Variants in OPRD1 observed in about 807,000 individuals in gnomAD.
The protein encoded by OPRD1 is opioid receptor delta 1.
Under a neutral mutation model 17.5 loss-of-function variants are expected in OPRD1, and 19 were observed. That is an observed-to-expected ratio of 1.09 (90% CI 0.76 to 1.60). The LOEUF is 1.60. Among genes scored for constraint, OPRD1 ranks in the 40% most tolerant of loss-of-function variants. OPRD1 has a pLI of 0.00. For missense variants in OPRD1, 483 were observed against 547.2 expected (o/e 0.88, Z 1.17); for synonymous variants, 256 against 240.9 (o/e 1.06, Z -0.58).
chr1:28,812,534 G>A lies in OPRD1; in HGVS notation c.151G>A (p.Ala51Thr). ...RSASSLALAIAITALYSAVCA... is the reference protein window; with the variant it reads ...RSASSLALAITITALYSAVCA... ...CGCCTCGTCCCTCGCCCTGGCAATC[G>A]CCATCACCGCGCTCTACTCGGCCGT... Residue 51 changes from alanine (A) to threonine (T), a missense_variant, in exon 1 of 3, where the codon GCC becomes ACC. By Grantham distance (58) the Ala-to-Thr change is moderately conservative. Transcript: ENST00000234961. 6.3e-7 allele frequency: 1 copy of A among 1,582,790 alleles called. No individual in the cohort carries two copies.
At chr1:28,843,806 C>A in intron 1 of OPRD1, among the ~76,000 whole-genome samples, 1 of 152,006 alleles carries the variant, frequency 6.6e-6, no homozygotes, top group South Asian at 2.1e-4. Flanking sequence ...TTTTGTAAAA[C>A]TGGCTTTGCC....
chr1:28,860,807 G>C (rs2089107862), intron 2 of OPRD1, among the ~76,000 whole-genome samples: 1 of 152,186 alleles, frequency 6.6e-6, no homozygotes, highest in South Asian at 2.1e-4. Flanking sequence ...GGTTGATGCT[G>C]TGGGTGGGAG....
chr1:28,818,375 G>A (rs1160447318), intron 1 of OPRD1, among the ~76,000 whole-genome samples: 2 of 152,128 alleles, frequency 1.3e-5, no homozygotes, highest in African/African-American at 4.8e-5. Context: ...CCACCCCCTG[G>A]TTAGTTGCAA....
Position 28,863,352 on chromosome 1 carries a change from C to T in OPRD1, c.*69C>T. ...AGGCCACATGAGTCCCAGTGGGAGG[C>T]GCGAGCCATGATGTGGAGTGGGGCA... On this transcript the variant is annotated 3_prime_UTR_variant, in exon 3 of 3. Coordinates refer to ENST00000234961, the MANE Select transcript of OPRD1 (RefSeq NM_000911.4). 3 of 1,380,976 alleles carry T rather than the reference C, an allele frequency of 2.2e-6. No homozygotes were observed. The highest frequency in any genetic ancestry group is 2.8e-6 in the Non-Finnish European group (3 of 1,071,554). The allele number at this position is 1,380,976 out of a possible 1,614,324, so 85.5% of individuals were successfully genotyped here.
chr1:28,818,262 A>T (rs577013797), intron 1 of OPRD1, among the ~76,000 whole-genome samples: 4 of 152,162 alleles, frequency 2.6e-5, no homozygotes, highest in Admixed American at 2.6e-4. Context: ...GCATTTGCTG[A>T]TGCTGACCCA....
intron 1 of OPRD1, among the ~76,000 whole-genome samples, chr1:28,835,451 A>G (rs1235838740): frequency 2.0e-5 from 3 of 152,080 alleles, no homozygotes; most frequent in Non-Finnish European, 4.4e-5. Context: ...ATAATTAACC[A>G]CTTTCCTTCC....
At chr1:28,825,104 G>A (rs2088753133) in intron 1 of OPRD1, among the ~76,000 whole-genome samples, 1 of 150,972 alleles carries the variant, frequency 6.6e-6, no homozygotes, top group Non-Finnish European at 1.5e-5. Context: ...AAAGTGCTGG[G>A]AGTACAGGTG....
chr1:28,830,421 G>A (rs983520137), intron 1 of OPRD1, among the ~76,000 whole-genome samples: 2 of 152,074 alleles, frequency 1.3e-5, no homozygotes, highest in African/African-American at 4.8e-5. Context: ...CTACTTGGGA[G>A]GCTGAGGTGG....
intron 2 of OPRD1, 85 bp from the exon 3 acceptor site, chr1:28,862,657 C>T (rs1474208178): frequency 6.0e-6 from 8 of 1,342,664 alleles, no homozygotes; most frequent in African/African-American, 5.9e-5. Flanking sequence ...TTGCCCAAGC[C>T]TTGAAAGGGT....
chr1:28,863,494 A>C lies in OPRD1; in HGVS notation c.*211A>C. ...TTGGGGCGAGGCAGAGGACAGATCAATGGCGCAGTGCCTCTGGTCTGGGTG... is the reference window on the plus strand; with the variant it reads ...TTGGGGCGAGGCAGAGGACAGATCACTGGCGCAGTGCCTCTGGTCTGGGTG... On this transcript the variant is annotated 3_prime_UTR_variant, in exon 3 of 3. Transcript: ENST00000234961. 1.9e-6 allele frequency: 1 copy of C among 520,920 alleles called. No homozygotes were observed. The allele number at this position is 520,920 out of a possible 1,614,324, so 32.3% of individuals were successfully genotyped here. A position where few individuals can be genotyped will look rare whatever the true frequency, so the allele number is the denominator to read the frequency against.
At chr1:28,854,642 T>C (rs1293441686) in intron 1 of OPRD1, among the ~76,000 whole-genome samples, 1 of 151,372 alleles carries the variant, frequency 6.6e-6, no homozygotes, top group Admixed American at 6.6e-5. Flanking sequence ...ATCACAGATG[T>C]CTCTTGTGAG....
At chr1:28,833,696 C>T (rs1200412678) in intron 1 of OPRD1, among the ~76,000 whole-genome samples, 1 of 152,150 alleles carries the variant, frequency 6.6e-6, no homozygotes, top group African/African-American at 2.4e-5. Context: ...CTAACCATCA[C>T]GGGGCCAGAC....
chr1:28,825,319 A>G (rs116155749), intron 1 of OPRD1, among the ~76,000 whole-genome samples: 4,448 of 152,230 alleles, frequency 0.029, 94 homozygotes, highest in Non-Finnish European at 0.042. Flanking sequence ...TCTTTGCACA[A>G]TTGGGATTTT....
At chr1:28,822,969 G>T (rs914188406) in intron 1 of OPRD1, among the ~76,000 whole-genome samples, 1 of 152,082 alleles carries the variant, frequency 6.6e-6, no homozygotes, top group Non-Finnish European at 1.5e-5. Flanking sequence ...CAGGAAGAGG[G>T]ATAATCGTGG....
chr1:28,831,560 G>C (rs1331530664), intron 1 of OPRD1, among the ~76,000 whole-genome samples: 1 of 151,638 alleles, frequency 6.6e-6, no homozygotes, highest in African/African-American at 2.4e-5. Flanking sequence ...TGACTCGGTC[G>C]GAGTTAACAC....
rs778736383 is a variant in OPRD1, at chr1:28,812,500, C to T, written c.117C>T (p.Gly39=). 3.2e-6 allele frequency: 5 copies of T among 1,562,616 alleles called. No individual in the cohort carries two copies. The Admixed American group carries it at 5.4e-5, about 17-fold the overall frequency. The change falls in exon 1 of 3, where the codon GGC becomes GGT. Residue 39 remains glycine (G), a synonymous_variant. Coordinates refer to ENST00000234961, the MANE Select transcript of OPRD1 (RefSeq NM_000911.4). ...SAGANASGPP[G]ARSASSLALA... is the part of the protein sequence containing the mutation. ...GCGCCAATGCGTCGGGGCCGCCAGG[C>T]GCGCGGAGCGCCTCGTCCCTCGCCC...
At chr1:28,843,750 C>A (rs1352647696) in intron 1 of OPRD1, among the ~76,000 whole-genome samples, 1 of 152,084 alleles carries the variant, frequency 6.6e-6, no homozygotes, top group African/African-American at 2.4e-5. Flanking sequence ...TCCCGAGTAG[C>A]TGGGACTACA....
chr1:28,861,123 G>T (rs1034655285), intron 2 of OPRD1, among the ~76,000 whole-genome samples: 1 of 152,178 alleles, frequency 6.6e-6, no homozygotes, highest in African/African-American at 2.4e-5. Flanking sequence ...CTTGGATTCA[G>T]TTACTTCTAG....
chr1:28,842,087 T>C (rs897205539), intron 1 of OPRD1, among the ~76,000 whole-genome samples: 4 of 151,858 alleles, frequency 2.6e-5, no homozygotes, highest in African/African-American at 9.7e-5. Flanking sequence ...TGGAGTGCAG[T>C]GGCATGATCA....
Sources: allele counts gnomAD v4.1 joint callset (sites outside exome capture counted in the v4.1 genomes callset), GRCh38; gene constraint gnomAD v4.1.1; transcripts MANE v1.5; gene names NCBI Gene and HGNC (gene_info 2026-07-23, HGNC 2026-07-21).